The following SETD3 variants were observed in gnomAD, a reference collection of about 807,000 sequenced individuals.
SETD3 encodes SET domain containing 3, actin N3(tau)-histidine methyltransferase, also known as actin-histidine N-methyltransferase.
In SETD3, 19 loss-of-function variants were observed where a neutral mutation model predicts 63.0. That is an observed-to-expected ratio of 0.30 (90% CI 0.21 to 0.44). The LOEUF is 0.44. Ranked by LOEUF, SETD3 falls within the 20% of genes least tolerant of loss-of-function variation. SETD3 has a pLI of 1.00. For missense variants in SETD3, 587 were observed against 728.5 expected, an observed-to-expected ratio of 0.81 and a Z score of 2.24; for synonymous variants, 286 against 264.1, an observed-to-expected ratio of 1.08 and a Z score of -0.80.
At chr14:99,481,161 G>C (rs1469887485), upstream of SETD3, 1 of 363,066 alleles carries the variant, frequency 2.8e-6, no homozygotes. Context: ...AGTTCCGTTA[G>C]CAGGTTCGGT....
intron 1 of SETD3, among the ~76,000 whole-genome samples, chr14:99,470,415 A>G (rs965006912): frequency 6.6e-6 from 1 of 152,198 alleles, no homozygotes; most frequent in Admixed American, 6.5e-5. Context: ...AAAAGTGGCT[A>G]GCCTAGGTTA....
chr14:99,486,132 C>T, the SETD3 span, among the ~76,000 whole-genome samples: 1 of 152,084 alleles, frequency 6.6e-6, no homozygotes, highest in Non-Finnish European at 1.5e-5. Flanking sequence ...AGTAAACTTT[C>T]CTTAGTTCCT....
At chr14:99,422,092 GTTAAGTCT>G in intron 6 of SETD3, among the ~76,000 whole-genome samples, 1 of 152,314 alleles carries the variant, frequency 6.6e-6, no homozygotes, top group East Asian at 1.9e-4. Flanking sequence ...ATGTTTAGCT[GTTAAGTCT>G]TCGGTCATAA....
At chr14:99,437,346 C>T (rs1021416746) in intron 6 of SETD3, among the ~76,000 whole-genome samples, 5 of 152,198 alleles carry the variant, frequency 3.3e-5, no homozygotes, top group African/African-American at 7.2e-5. Flanking sequence ...AAAACTCCTA[C>T]GTCCTCTTCA....
intron 6 of SETD3, among the ~76,000 whole-genome samples, chr14:99,444,641 T>C (rs1344865901): frequency 1.3e-5 from 2 of 152,132 alleles, no homozygotes; most frequent in Admixed American, 6.5e-5. Context: ...GGTGGATCGC[T>C]TGAGCTCATG....
At chr14:99,463,622 A>G (rs1246044706) in intron 2 of SETD3, 44 bp from the exon 3 acceptor site, 1 of 1,445,748 alleles carries the variant, frequency 6.9e-7, no homozygotes, top group Non-Finnish European at 9.7e-7. Context: ...CTCTCTTTCA[A>G]CTTAACCTAC....
At chr14:99,411,407 T>C (rs1377186858) in intron 8 of SETD3, 1 of 152,120 alleles carries the variant, frequency 6.6e-6, no homozygotes, top group East Asian at 1.9e-4. Flanking sequence ...GTGTGTGAGG[T>C]GCCAATGGAT....
At chr14:99,461,591 G>A (rs1023727706) in intron 3 of SETD3, among the ~76,000 whole-genome samples, 2 of 152,154 alleles carry the variant, frequency 1.3e-5, no homozygotes, top group Non-Finnish European at 2.9e-5. Flanking sequence ...TATAAATATT[G>A]ACTATTAGGT....
At chr14:99,407,594 C>T (rs567344062) in intron 8 of SETD3, among the ~76,000 whole-genome samples, 12 of 152,266 alleles carry the variant, frequency 7.9e-5, no homozygotes, top group Non-Finnish European at 1.3e-4. Context: ...TGAGCACGGC[C>T]GAATAAGGAG....
intron 1 of SETD3, among the ~76,000 whole-genome samples, chr14:99,479,844 C>T (rs1030345459): frequency 6.6e-6 from 1 of 152,210 alleles, no homozygotes; most frequent in African/African-American, 2.4e-5. Flanking sequence ...TGGTCCTAAC[C>T]CGCGAATGCC....
At chr14:99,467,887 T>A (rs8021156) in intron 1 of SETD3, among the ~76,000 whole-genome samples, 2 of 152,090 alleles carry the variant, frequency 1.3e-5, no homozygotes, top group Non-Finnish European at 2.9e-5. Context: ...TTCTCTCAGC[T>A]ATCCACCCAA....
chr14:99,398,480 TA>T lies in SETD3; in HGVS notation c.*198del. On this transcript the variant is annotated 3_prime_UTR_variant, in exon 13 of 13. Coordinates refer to ENST00000331768, the MANE Select transcript of SETD3 (RefSeq NM_032233.3). ...TGTTTGTTAATTGGTTTGTTTTGCC[TA>T]AAAGCAAGATGGCAATCTTAATCAA... 1 of 593,066 alleles carries T rather than the reference TA, an allele frequency of 1.7e-6. No homozygotes were observed. Among genetic ancestry groups the T allele is most frequent in the Non-Finnish European group, 2.9e-6 (1 of 344,596 alleles). The allele number at this position is 593,066 out of a possible 1,614,324, so 36.7% of individuals were successfully genotyped here.
intron 2 of SETD3, among the ~76,000 whole-genome samples, chr14:99,464,164 A>T (rs368944811): frequency 3.9e-5 from 6 of 152,216 alleles, no homozygotes; most frequent in African/African-American, 1.4e-4. Context: ...AAAGAAGCCA[A>T]GATTCCACTG....
At chr14:99,465,622 C>T in intron 2 of SETD3, 81 bp downstream of exon 2, 2 of 1,096,712 alleles carry the variant, frequency 1.8e-6, no homozygotes, top group Non-Finnish European at 2.7e-6. Context: ...TTGTCTGATG[C>T]ACGCGTCCCC....
chr14:99,465,912 G>A (rs902646744), intron 1 of SETD3, 99 bp from the exon 2 acceptor site: 5 of 694,210 alleles, frequency 7.2e-6, no homozygotes, highest in African/African-American at 7.2e-5. Flanking sequence ...TTAGTCTTCA[G>A]AGGCTAAGAT....
At chr14:99,424,035 G>A (rs1040768692) in intron 6 of SETD3, among the ~76,000 whole-genome samples, 1 of 150,894 alleles carries the variant, frequency 6.6e-6, no homozygotes, top group Non-Finnish European at 1.5e-5. Flanking sequence ...TTCAATTTCT[G>A]GAAACAAATT....
intron 7 of SETD3, 177 bp from the exon 8 acceptor site, chr14:99,413,242 G>A (rs1892104645): frequency 3.5e-6 from 2 of 573,254 alleles, no homozygotes; most frequent in Non-Finnish European, 3.1e-6. Flanking sequence ...GGGTTTGAAA[G>A]AGCCAGGGGA....
At position 99,457,643 on chromosome 14, in the gene SETD3, A is replaced by G. The variant is rs146604154; in HGVS notation, c.675+636T>C. ...GTGCAGAATCAGGAGAAGGAGCCAC[A>G]CTGCCTCTCAGTCCTGGTGGGGACT... is the stretch of plus-strand genomic sequence containing the variant. On this transcript the variant is annotated intron_variant, in intron 6 of 12. Coordinates refer to ENST00000331768, the MANE Select transcript of SETD3 (RefSeq NM_032233.3). Among the ~76,000 whole-genome samples the G allele has an allele frequency of 2.8e-3, 434 of 152,332 alleles. 1 individual carries two copies. Among genetic ancestry groups the G allele is most frequent in the African/African-American group, 9.8e-3 (408 of 41,574 alleles).
intron 1 of SETD3, among the ~76,000 whole-genome samples, chr14:99,475,799 C>T (rs1895943170): frequency 6.6e-6 from 1 of 152,144 alleles, no homozygotes; most frequent in South Asian, 2.1e-4. Flanking sequence ...GAATTCATTC[C>T]CTCATTCCTG....
Sources: allele counts gnomAD v4.1 joint callset (sites outside exome capture counted in the v4.1 genomes callset), GRCh38; gene constraint gnomAD v4.1.1; transcripts MANE v1.5; gene names NCBI Gene and HGNC (gene_info 2026-07-23, HGNC 2026-07-21).